Variants in PRKCH observed in about 807,000 individuals in gnomAD.
PRKCH encodes the protein protein kinase C eta, also known as protein kinase C eta type.
In PRKCH, 28 loss-of-function variants were observed where a neutral mutation model predicts 82.5. That is an observed-to-expected ratio of 0.34 (90% CI 0.25 to 0.47). The LOEUF is 0.47. PRKCH is among the 20% of genes least tolerant of loss of function. The pLI, the probability that PRKCH is intolerant of heterozygous loss-of-function variation, is 1.00. For synonymous variants in PRKCH, 322 were observed against 327.4 expected (o/e 0.98, Z 0.18); for missense variants, 705 against 881.8 (o/e 0.80, Z 2.54).
intron 2 of PRKCH, among the ~76,000 whole-genome samples, chr14:61,395,559 C>G (rs1280972349): frequency 1.3e-5 from 2 of 152,124 alleles, no homozygotes; most frequent in African/African-American, 4.8e-5. Flanking sequence ...ACTGTCAAAG[C>G]TCAGGAAATG....
intron 9 of PRKCH, among the ~76,000 whole-genome samples, chr14:61,468,661 T>C (rs1885367305): frequency 6.8e-6 from 1 of 148,086 alleles, no homozygotes; most frequent in Admixed American, 6.6e-5. Context: ...GACAAAAGGA[T>C]TTGAAATAGT....
Position 61,530,424 on chromosome 14 carries a change from G to T in PRKCH, c.1590G>T (p.Leu530=). Reference sequence around the variant, plus strand: ...TTGCACAGATCCTCCAGGAAATGCTGTACGGGCCTGCAGTAGACTGGTGGG... The same window carrying T: ...TTGCACAGATCCTCCAGGAAATGCTTTACGGGCCTGCAGTAGACTGGTGGG... ...YIAPEILQEM[L]YGPAVDWWAM... Residue 530 remains leucine (L), a synonymous_variant, in exon 12 of 14, where the codon CTG becomes CTT. Coordinates refer to ENST00000332981, the MANE Select transcript of PRKCH (RefSeq NM_006255.5). 1 of 1,600,356 alleles carries T rather than the reference G, an allele frequency of 6.2e-7. No homozygotes were observed. The highest frequency in any genetic ancestry group is 8.5e-7 in the Non-Finnish European group (1 of 1,172,816).
intron 10 of PRKCH, among the ~76,000 whole-genome samples, chr14:61,506,360 C>T (rs1216869601): frequency 6.6e-6 from 1 of 152,110 alleles, no homozygotes; most frequent in Non-Finnish European, 1.5e-5. Context: ...CCAAGCAGGC[C>T]TCACATCAGT....
intron 10 of PRKCH, among the ~76,000 whole-genome samples, chr14:61,512,543 C>G (rs1239524978): frequency 3.3e-5 from 5 of 152,098 alleles, no homozygotes; most frequent in Non-Finnish European, 7.4e-5. Flanking sequence ...TAAATGGTTT[C>G]CTATGTAATA....
chr14:61,427,356 A>G (rs1415687531), intron 2 of PRKCH, among the ~76,000 whole-genome samples: 1 of 152,192 alleles, frequency 6.6e-6, no homozygotes, highest in Non-Finnish European at 1.5e-5. Context: ...GTCAGCCCTT[A>G]GAGACAATAG....
intron 10 of PRKCH, among the ~76,000 whole-genome samples, chr14:61,503,384 A>C (rs1355198285): frequency 2.0e-5 from 3 of 151,696 alleles, no homozygotes; most frequent in Non-Finnish European, 4.4e-5. Flanking sequence ...AAGTTAACTG[A>C]GGTCTGCCAC....
At chr14:61,533,452 A>G (rs12587495) in intron 12 of PRKCH, among the ~76,000 whole-genome samples, 5,057 of 152,270 alleles carry the variant, frequency 0.033, 120 homozygotes, top group South Asian at 0.051. Context: ...AATGTGATCA[A>G]AGAGAAAAAA....
chr14:61,362,235 G>GC (rs1337163733), intron 1 of PRKCH, among the ~76,000 whole-genome samples: 1 of 151,916 alleles, frequency 6.6e-6, no homozygotes, highest in Non-Finnish European at 1.5e-5. Context: ...AGCTACTTGG[G>GC]AGGCAGAAGA....
intron 1 of PRKCH, among the ~76,000 whole-genome samples, chr14:61,336,552 GA>G (rs936045912): frequency 6.6e-6 from 1 of 152,196 alleles, no homozygotes; most frequent in Non-Finnish European, 1.5e-5. Flanking sequence ...CAACAAACCA[GA>G]AATAAATCAA....
chr14:61,471,154 G>A (rs1885484471), intron 9 of PRKCH, among the ~76,000 whole-genome samples: 1 of 152,268 alleles, frequency 6.6e-6, no homozygotes, highest in African/African-American at 2.4e-5. Flanking sequence ...GCTAATAGCA[G>A]CAGATCTGGT....
Position 61,407,256 on chromosome 14 carries a change from G to T in PRKCH, c.427+15968G>T, listed in dbSNP as rs192654342. 9.1e-3 allele frequency among the ~76,000 whole-genome samples: 1,387 copies of T among 152,202 alleles called. 9 individuals are homozygous for T. The highest frequency in any genetic ancestry group is 0.014 in the Non-Finnish European group (976 of 68,000). ...ATTAATACTCAGATGATGAGTTCAG[G>T]TGTCTCTGTAAAATGAATAATGCAT... On this transcript the variant is annotated intron_variant, in intron 2 of 13. Coordinates refer to ENST00000332981, the MANE Select transcript of PRKCH (RefSeq NM_006255.5).
chr14:61,346,133 G>C (rs1055693770), intron 1 of PRKCH, among the ~76,000 whole-genome samples: 2 of 152,188 alleles, frequency 1.3e-5, no homozygotes, highest in Non-Finnish European at 2.9e-5. Context: ...TGCAGCAGAT[G>C]ACAGCTCCCC....
At chr14:61,211,713 TCTC>T (rs1348269579) in intron 1 of PRKCH, among the ~76,000 whole-genome samples, 1 of 152,154 alleles carries the variant, frequency 6.6e-6, no homozygotes, top group East Asian at 1.9e-4. Context: ...CTTAATTGCT[TCTC>T]CGCTGTGGCT....
At chr14:61,233,689 T>G (rs1021101017) in intron 1 of PRKCH, among the ~76,000 whole-genome samples, 3 of 152,174 alleles carry the variant, frequency 2.0e-5, no homozygotes, top group African/African-American at 7.2e-5. Context: ...GAGTTAGTTA[T>G]CACGAGATCT....
chr14:61,256,548 T>C (rs900424193), intron 1 of PRKCH, among the ~76,000 whole-genome samples: 1 of 152,228 alleles, frequency 6.6e-6, no homozygotes, highest in Non-Finnish European at 1.5e-5. Context: ...GTAGAAATTA[T>C]ACTTTTTCTA....
intron 12 of PRKCH, among the ~76,000 whole-genome samples, chr14:61,535,897 G>A (rs1048260038): frequency 2.0e-5 from 3 of 152,162 alleles, no homozygotes; most frequent in Admixed American, 1.3e-4. Flanking sequence ...AGTACATGAG[G>A]GTCTGTGTTA....
At chr14:61,381,907 A>C (rs1048919323) in intron 1 of PRKCH, among the ~76,000 whole-genome samples, 4 of 152,208 alleles carry the variant, frequency 2.6e-5, no homozygotes, top group African/African-American at 9.6e-5. Flanking sequence ...GCCTCAAGGG[A>C]GGCTGGTGCG....
At chr14:61,447,801 A>T (rs1884298050) in intron 4 of PRKCH, among the ~76,000 whole-genome samples, 1 of 152,246 alleles carries the variant, frequency 6.6e-6, no homozygotes, top group African/African-American at 2.4e-5. Flanking sequence ...CAGTGCTCAG[A>T]TGGGAATGTA....
intron 10 of PRKCH, among the ~76,000 whole-genome samples, chr14:61,504,899 C>T (rs8008899): frequency 0.015 from 2,338 of 152,224 alleles, 72 homozygotes; most frequent in African/African-American, 0.054. Flanking sequence ...CATTCATTTA[C>T]TCATTCAACA....
Sources: allele counts gnomAD v4.1 joint callset (sites outside exome capture counted in the v4.1 genomes callset), GRCh38; gene constraint gnomAD v4.1.1; transcripts MANE v1.5; gene names NCBI Gene and HGNC (gene_info 2026-07-23, HGNC 2026-07-21).